Variants in RAB38 observed in about 807,000 individuals in gnomAD.
The protein encoded by RAB38 is ras-related protein Rab-38.
Under a neutral mutation model 18.4 loss-of-function variants are expected in RAB38, and 15 were observed. The observed-to-expected ratio is 0.82, with a 90% CI of 0.55 to 1.26. The LOEUF (loss-of-function observed/expected upper bound fraction) is 1.26. RAB38 is among the 50% of genes most tolerant of loss of function. The pLI is 0.00. For synonymous variants in RAB38, 101 were observed against 104.4 expected, an observed-to-expected ratio of 0.97 and a Z score of 0.20; for missense variants, 294 against 267.4, an observed-to-expected ratio of 1.10 and a Z score of -0.69.
the RAB38 span, among the ~76,000 whole-genome samples, chr11:87,804,717 G>A: frequency 0.89 from 135,895 of 152,178 alleles, 60,819 homozygotes; most frequent in East Asian, 0.99. Flanking sequence ...TCCTTCTGCT[G>A]GGATATCTGC....
the RAB38 span, among the ~76,000 whole-genome samples, chr11:88,027,746 C>A: frequency 1.3e-5 from 2 of 152,246 alleles, no homozygotes; most frequent in Non-Finnish European, 2.9e-5. Flanking sequence ...GAGCCCACCA[C>A]AGCTCAAGGA....
intron 1 of RAB38, among the ~76,000 whole-genome samples, chr11:88,150,347 C>T (rs564904163): frequency 3.9e-5 from 6 of 152,336 alleles, no homozygotes; most frequent in South Asian, 2.1e-4. Context: ...CTAGTGCCTA[C>T]TGTATTAGAC....
the RAB38 span, among the ~76,000 whole-genome samples, chr11:88,074,132 A>G: frequency 6.6e-6 from 1 of 152,106 alleles, no homozygotes; most frequent in South Asian, 2.1e-4. Flanking sequence ...AGTAACAGAA[A>G]TGTTTCCAAA....
chr11:87,878,222 T>TATATATAC, the RAB38 span, among the ~76,000 whole-genome samples: 538 of 116,200 alleles, frequency 4.6e-3, 32 homozygotes, highest in East Asian at 0.061. Flanking sequence ...TATATATATA[T>TATATATAC]ACACACATAT....
At chr11:87,843,265 A>G in the RAB38 span, among the ~76,000 whole-genome samples, 1 of 152,228 alleles carries the variant, frequency 6.6e-6, no homozygotes, top group African/African-American at 2.4e-5. Context: ...AAACAGCCAC[A>G]GCCTGCCACT....
rs1377504268 is a variant in RAB38, at chr11:88,114,079, C to A, written c.545G>T (p.Cys182Phe). 1.2e-6 allele frequency: 2 copies of A among 1,614,168 alleles called. No homozygotes were observed. The highest frequency in any genetic ancestry group is 4.5e-5 in the East Asian group (2 of 44,886). The change falls in exon 3 of 3, where the codon TGT becomes TTT. Residue 182 changes from cysteine to phenylalanine, a missense_variant. By Grantham distance (205) the Cys-to-Phe change is radical. Coordinates refer to ENST00000243662, the MANE Select transcript of RAB38 (RefSeq NM_022337.3). ...CGGCTCAATAGACTCCATTAGGTCA[C>A]ACTCATTTGCAAGTATGTGTTTCAC... is the stretch of plus-strand genomic sequence containing the variant. ...CLVKHILANECDLMESIEPDV... is the reference protein window; with the variant it reads ...CLVKHILANEFDLMESIEPDV...
chr11:88,134,705 A>C (rs781237405), intron 2 of RAB38, among the ~76,000 whole-genome samples: 1 of 152,250 alleles, frequency 6.6e-6, no homozygotes, highest in Non-Finnish European at 1.5e-5. Flanking sequence ...TCTCATTCTT[A>C]AATATTGCAA....
At chr11:88,058,032 C>A in the RAB38 span, among the ~76,000 whole-genome samples, 2 of 152,188 alleles carry the variant, frequency 1.3e-5, no homozygotes, top group African/African-American at 4.8e-5. Flanking sequence ...GTATTTTTGA[C>A]AGCCAAAACA....
At chr11:87,937,944 G>T in the RAB38 span, among the ~76,000 whole-genome samples, 5 of 139,400 alleles carry the variant, frequency 3.6e-5, no homozygotes, top group Non-Finnish European at 3.1e-5. Flanking sequence ...CTGGAATTTT[G>T]GTGTTTGTAT....
chr11:87,960,150 A>C, the RAB38 span, among the ~76,000 whole-genome samples: 1 of 152,098 alleles, frequency 6.6e-6, no homozygotes, highest in Admixed American at 6.6e-5. Context: ...AGTGTAATTG[A>C]CTTAGAAAAG....
chr11:88,033,055 T>C, the RAB38 span, among the ~76,000 whole-genome samples: 1 of 152,096 alleles, frequency 6.6e-6, no homozygotes, highest in Non-Finnish European at 1.5e-5. Context: ...CCATAAAAAA[T>C]GATGAGTTCA....
At chr11:87,824,425 T>C in the RAB38 span, among the ~76,000 whole-genome samples, 1 of 152,168 alleles carries the variant, frequency 6.6e-6, no homozygotes, top group Non-Finnish European at 1.5e-5. Context: ...TACATGTGTA[T>C]AATTACAGGT....
intron 2 of RAB38, among the ~76,000 whole-genome samples, chr11:88,142,518 G>A (rs1410823118): frequency 6.6e-6 from 1 of 152,142 alleles, no homozygotes; most frequent in Non-Finnish European, 1.5e-5. Context: ...CTTTCCATAG[G>A]TATCTGTAGA....
chr11:87,821,019 C>T, the RAB38 span, among the ~76,000 whole-genome samples: 1 of 152,076 alleles, frequency 6.6e-6, no homozygotes, highest in Admixed American at 6.6e-5. Context: ...ATCCAACATA[C>T]ATATCATCAG....
chr11:87,919,367 GTTTT>G, the RAB38 span, among the ~76,000 whole-genome samples: 479 of 151,120 alleles, frequency 3.2e-3, 1 homozygote, highest in Non-Finnish European at 5.1e-3. Context: ...GATTATCATA[GTTTT>G]TTTTTATTTT....
intron 1 of RAB38, among the ~76,000 whole-genome samples, chr11:88,161,915 C>T (rs1337559961): frequency 6.6e-6 from 1 of 152,010 alleles, no homozygotes; most frequent in African/African-American, 2.4e-5. Flanking sequence ...CTAAGAGTGA[C>T]ACCAAGATGT....
At chr11:87,871,250 A>G in the RAB38 span, among the ~76,000 whole-genome samples, 2 of 151,628 alleles carry the variant, frequency 1.3e-5, no homozygotes, top group African/African-American at 2.4e-5. Context: ...CCAGAGCAAC[A>G]GACTGTGATC....
the RAB38 span, among the ~76,000 whole-genome samples, chr11:87,844,147 C>A: frequency 3.3e-5 from 5 of 152,138 alleles, no homozygotes; most frequent in African/African-American, 7.2e-5. Flanking sequence ...TTTAAAAAAA[C>A]CAAACCTTTT....
chr11:87,905,019 G>A, the RAB38 span, among the ~76,000 whole-genome samples: 4 of 151,390 alleles, frequency 2.6e-5, no homozygotes, highest in Non-Finnish European at 3.0e-5. Context: ...CCAATTTTAG[G>A]TATATTTTAC....
Sources: allele counts gnomAD v4.1 joint callset (sites outside exome capture counted in the v4.1 genomes callset), GRCh38; gene constraint gnomAD v4.1.1; transcripts MANE v1.5; gene names NCBI Gene and HGNC (gene_info 2026-07-23, HGNC 2026-07-21).